Variants in HCN1 observed in about 807,000 individuals in gnomAD.
HCN1 encodes the protein potassium/sodium hyperpolarization-activated cyclic nucleotide-gated channel 1.
In HCN1, 13 loss-of-function variants were observed where a neutral mutation model predicts 78.9. The observed-to-expected ratio is 0.16, with a 90% CI of 0.11 to 0.26. HCN1 has a LOEUF of 0.26. HCN1 is among the 10% of genes least tolerant of loss of function. The probability of loss-of-function intolerance (pLI) is 1.00; values close to 1 mark genes in which losing one functional copy is unlikely to be tolerated. For synonymous variants in HCN1, 552 were observed against 455.5 expected (o/e 1.21, Z -2.70); for missense variants, 810 against 1,154.3 (o/e 0.70, Z 4.32).
intron 4 of HCN1, among the ~76,000 whole-genome samples, chr5:45,376,768 A>G (rs765290576): frequency 7.2e-5 from 11 of 151,892 alleles, no homozygotes; most frequent in African/African-American, 1.4e-4. Flanking sequence ...ATTCTGAACC[A>G]TGTATTTTAT....
chr5:45,372,200 A>C (rs1400995742), intron 4 of HCN1, among the ~76,000 whole-genome samples: 1 of 63,998 alleles, frequency 1.6e-5, no homozygotes, highest in East Asian at 6.2e-4. Context: ...AATTAATATA[A>C]TACATATTAT....
intron 1 of HCN1, among the ~76,000 whole-genome samples, chr5:45,663,960 A>T (rs1480130554): frequency 6.9e-6 from 1 of 144,966 alleles, no homozygotes; most frequent in Non-Finnish European, 1.5e-5. Context: ...ATTACTGGGT[A>T]TATACCCAAA....
At chr5:45,504,747 C>A (rs535617575) in intron 2 of HCN1, among the ~76,000 whole-genome samples, 206 of 152,320 alleles carry the variant, frequency 1.4e-3, no homozygotes, top group Non-Finnish European at 2.2e-3. Context: ...TTCTCCACAT[C>A]CTCTCCAGCA....
rs1744773336 is a variant in HCN1, at chr5:45,262,628, G to A, written c.1966C>T (p.Pro656Ser). Residue 656 changes from proline (P) to serine (S), a missense_variant, in exon 8 of 8, where the codon CCG becomes TCG. Coordinates refer to ENST00000303230, the MANE Select transcript of HCN1 (RefSeq NM_021072.4). Reference sequence around the variant, plus strand: ...GATTGTGTCCTCATGCGGGAGGTCGGGGTCGTAGTAGACGATGTGGAATTC... The same window carrying A: ...GATTGTGTCCTCATGCGGGAGGTCGAGGTCGTAGTAGACGATGTGGAATTC... ...TLNSTSSTTT[P>S]TSRMRTQSPP... 1 of 1,613,924 alleles carries A rather than the reference G, an allele frequency of 6.2e-7. No individual in the cohort carries two copies. Among genetic ancestry groups the A allele is most frequent in the East Asian group, 2.2e-5 (1 of 44,856 alleles).
intron 2 of HCN1, among the ~76,000 whole-genome samples, chr5:45,585,761 C>T (rs1744203544): frequency 6.6e-6 from 1 of 152,164 alleles, no homozygotes; most frequent in Non-Finnish European, 1.5e-5. Context: ...CCCTCAGCTG[C>T]AGGTCTGCTG....
intron 5 of HCN1, among the ~76,000 whole-genome samples, chr5:45,333,649 A>T (rs776629220): frequency 6.6e-5 from 10 of 151,638 alleles, no homozygotes; most frequent in Non-Finnish European, 1.3e-4. Context: ...ATACATTTTG[A>T]TTTGATTTTT....
At chr5:45,475,376 T>C (rs562598078) in intron 2 of HCN1, among the ~76,000 whole-genome samples, 1 of 152,136 alleles carries the variant, frequency 6.6e-6, no homozygotes, top group East Asian at 1.9e-4. Flanking sequence ...TTTGAATTAT[T>C]CAAAAATATT....
intron 6 of HCN1, among the ~76,000 whole-genome samples, chr5:45,301,821 T>C (rs1395558522): frequency 6.8e-6 from 1 of 146,254 alleles, no homozygotes; most frequent in East Asian, 2.0e-4. Flanking sequence ...TAAGAAAAAA[T>C]AGGCAGATTT....
intron 2 of HCN1, among the ~76,000 whole-genome samples, chr5:45,493,153 G>T (rs1741928822): frequency 6.6e-6 from 1 of 152,024 alleles, no homozygotes; most frequent in East Asian, 1.9e-4. Context: ...AAAAACTACT[G>T]AGTTTTTGCA....
intron 4 of HCN1, among the ~76,000 whole-genome samples, chr5:45,363,920 A>G (rs1747177601): frequency 6.6e-6 from 1 of 151,972 alleles, no homozygotes; most frequent in Non-Finnish European, 1.5e-5. Flanking sequence ...GCAGCGTAAA[A>G]ATGGGCTAAT....
intron 3 of HCN1, among the ~76,000 whole-genome samples, chr5:45,402,040 T>C (rs1739823900): frequency 6.6e-6 from 1 of 152,090 alleles, no homozygotes; most frequent in Non-Finnish European, 1.5e-5. Flanking sequence ...TAGGAGTATT[T>C]GGAGGCTGAG....
intron 5 of HCN1, among the ~76,000 whole-genome samples, chr5:45,305,503 C>T (rs952415745): frequency 6.6e-6 from 1 of 152,082 alleles, no homozygotes; most frequent in Admixed American, 6.6e-5. Flanking sequence ...CTTGGTGCAT[C>T]ATTATTCAAA....
chr5:45,455,263 C>T (rs1359766319), intron 3 of HCN1, among the ~76,000 whole-genome samples: 1 of 152,050 alleles, frequency 6.6e-6, no homozygotes, highest in East Asian at 1.9e-4. Context: ...GAACCATGCT[C>T]TTTGGGCAGT....
intron 5 of HCN1, among the ~76,000 whole-genome samples, chr5:45,345,211 AC>A (rs1385812238): frequency 6.6e-6 from 1 of 152,144 alleles, no homozygotes; most frequent in Non-Finnish European, 1.5e-5. Context: ...GATGCAGGGC[AC>A]CAAGTCCCTA....
chr5:45,693,126 T>C (rs1356663138), intron 1 of HCN1, among the ~76,000 whole-genome samples: 3 of 152,194 alleles, frequency 2.0e-5, no homozygotes, highest in African/African-American at 7.2e-5. Flanking sequence ...TGTTGAAAAT[T>C]ACTCACACAT....
chr5:45,541,933 C>T (rs1432868686), intron 2 of HCN1, among the ~76,000 whole-genome samples: 1 of 152,092 alleles, frequency 6.6e-6, no homozygotes, highest in Admixed American at 6.6e-5. Flanking sequence ...AAATAAGCTA[C>T]TGAGTTGCCA....
intron 2 of HCN1, among the ~76,000 whole-genome samples, chr5:45,607,692 G>A (rs558010206): frequency 6.6e-6 from 1 of 151,176 alleles, no homozygotes; most frequent in African/African-American, 2.4e-5. Flanking sequence ...GCTGATGGAT[G>A]GTGAAAGCTC....
rs142288283 is a variant in HCN1 at position 45,666,012 on chromosome 5, C to G, written c.426-20404G>C. Among the ~76,000 whole-genome samples, 10 of 152,102 alleles carry G rather than the reference C, an allele frequency of 6.6e-5. No homozygotes were observed. In the East Asian group the frequency reaches 9.7e-4, roughly 15 times the overall value. ...TGTAAGTACTTGTAATACTCTCCCCCCAAGTTCTCTTCTTGACATTCTCCA... is the reference window on the plus strand; with the variant it reads ...TGTAAGTACTTGTAATACTCTCCCCGCAAGTTCTCTTCTTGACATTCTCCA... On this transcript the variant is annotated intron_variant, in intron 1 of 7. Transcript: ENST00000303230.
At position 45,515,803 on chromosome 5, in the gene HCN1, G is replaced by A. The variant is rs1038834627; in HGVS notation, c.850-53796C>T. Among the ~76,000 whole-genome samples the A allele has an allele frequency of 4.6e-5, 7 of 151,682 alleles. No homozygotes were observed. The East Asian group carries it at 1.4e-3, about 29-fold the overall frequency. On this transcript the variant is annotated intron_variant, in intron 2 of 7. Coordinates refer to ENST00000303230, the MANE Select transcript of HCN1 (RefSeq NM_021072.4). ...TAAGAATGCCTGCTACTGGTTTCAT[G>A]ACAAACATATAAACTTTGAATTGCA...
Sources: allele counts gnomAD v4.1 joint callset (sites outside exome capture counted in the v4.1 genomes callset), GRCh38; gene constraint gnomAD v4.1.1; transcripts MANE v1.5; gene names NCBI Gene and HGNC (gene_info 2026-07-23, HGNC 2026-07-21).